The following SPTLC1 variants were observed in gnomAD, a reference collection of about 807,000 sequenced individuals.
SPTLC1 encodes the protein serine palmitoyltransferase 1.
Under a neutral mutation model 68.9 loss-of-function variants are expected in SPTLC1, and 55 were observed. That is an observed-to-expected ratio of 0.80 (90% CI 0.64 to 1.00). The LOEUF is 1.00. Among genes scored for constraint, SPTLC1 ranks in the 50% least tolerant of loss-of-function variants. The pLI, the probability that SPTLC1 is intolerant of heterozygous loss-of-function variation, is 0.00. For synonymous variants in SPTLC1, 197 were observed against 201.6 expected (o/e 0.98, Z 0.19); for missense variants, 449 against 573.1 (o/e 0.78, Z 2.21).
At chr9:92,078,295 C>A (rs1298358962) in intron 5 of SPTLC1, among the ~76,000 whole-genome samples, 1 of 152,162 alleles carries the variant, frequency 6.6e-6, no homozygotes, top group East Asian at 1.9e-4. Flanking sequence ...ATAAAATGTG[C>A]CTTTTCTAGT....
In SPTLC1 at chr9:92,112,554, A is replaced by C. The variant is rs775035672; in HGVS notation, c.66T>G (p.Ala22=). 1.2e-6 allele frequency: 2 copies of C among 1,603,124 alleles called. No homozygotes were observed. The highest frequency in any genetic ancestry group is 2.2e-5 in the South Asian group (2 of 90,990). ...EMVQALYEAP[A]YHLILEGILI... is the part of the protein sequence containing the mutation. ...GAATCCCTTCCAAAATAAGATGGTAAGCAGGAGCCTAAGAGTGAGTCAAAA... is the reference window on the plus strand; with the variant it reads ...GAATCCCTTCCAAAATAAGATGGTACGCAGGAGCCTAAGAGTGAGTCAAAA... The change falls in exon 2 of 15, where the codon GCT becomes GCG. Residue 22 remains alanine (A), a synonymous_variant. Coordinates refer to ENST00000262554, the MANE Select transcript of SPTLC1 (RefSeq NM_006415.4).
chr9:92,080,843 T>C, intron 4 of SPTLC1, 27 bp downstream of exon 4: 2 of 1,530,026 alleles, frequency 1.3e-6, no homozygotes, highest in East Asian at 4.5e-5. Context: ...ATGTTATCTG[T>C]CCACTTCAGC....
intron 2 of SPTLC1, chr9:92,111,641 A>G (rs1229475549): frequency 6.6e-6 from 1 of 152,164 alleles, no homozygotes; most frequent in Non-Finnish European, 1.5e-5. Context: ...AGGAATAGTT[A>G]TAACAAGCTC....
Position 92,080,981 on chromosome 9 carries a change from T to C in SPTLC1, c.261-18A>G, listed in dbSNP as rs755503027. The C allele has an allele frequency of 2.0e-5, 31 of 1,577,840 alleles. No individual in the cohort carries two copies. Among genetic ancestry groups the C allele is most frequent in the African/African-American group, 2.7e-5 (2 of 73,698 alleles). On this transcript the variant is annotated intron_variant, in intron 3 of 14. Transcript: ENST00000262554. ...TTGGAGGGCTAGGGAAGAGATAGAG[T>C]GGTACATGTCAATTACACATTCATG...
Position 92,075,359 on chromosome 9 carries a change from C to T in SPTLC1, c.427+4657G>A, listed in dbSNP as rs558543097. 7.9e-5 allele frequency among the ~76,000 whole-genome samples: 12 copies of T among 152,196 alleles called. No homozygotes were observed. In the South Asian group the frequency reaches 1.9e-3, roughly 24 times the overall value. On this transcript the variant is annotated intron_variant, in intron 5 of 14. Transcript: ENST00000262554. ...CCAGGTTTTGCCATCCTAACCAAAC[C>T]ACTCTATAAACTCACAAAAGGAAAC...
chr9:92,047,799 A>G, intron 9 of SPTLC1, 91 bp from the exon 10 acceptor site: 1 of 802,912 alleles, frequency 1.2e-6, no homozygotes, highest in Non-Finnish European at 2.1e-6. Flanking sequence ...ACAGCATTAA[A>G]CTGTCTGTTA....
chr9:92,060,915 A>G (rs1332012635), intron 6 of SPTLC1, among the ~76,000 whole-genome samples: 12 of 122,406 alleles, frequency 9.8e-5, no homozygotes, highest in Admixed American at 7.4e-4. Flanking sequence ...TCTGTCTCAA[A>G]AAAAAAAAAA....
chr9:92,047,185 C>T lies in SPTLC1; in HGVS notation c.1068G>A (p.Met356Ile), dbSNP rs2118447610. The T allele has an allele frequency of 6.2e-7, 1 of 1,613,832 alleles. No individual in the cohort carries two copies. The highest frequency in any genetic ancestry group is 1.7e-4 in the Middle Eastern group (1 of 6,058). The stretch of plus-strand genomic sequence containing the variant: ...AAAGGGTTATACCTGGATTCTCTTC[C>T]ATGATGTTGAGGGCCTCAATTGCTG... ...AAAAIEALNI[M>I]EENPGIFAVL... Residue 356 changes from methionine to isoleucine, a missense_variant, in exon 11 of 15, where the codon ATG becomes ATA. Transcript: ENST00000262554.
intron 7 of SPTLC1, among the ~76,000 whole-genome samples, chr9:92,057,536 ACTC>A (rs752374699): frequency 3.0e-4 from 46 of 152,204 alleles, no homozygotes; most frequent in Non-Finnish European, 6.0e-4. Flanking sequence ...AACAGGCAAA[ACTC>A]CTAGCCTAAT....
intron 1 of SPTLC1, among the ~76,000 whole-genome samples, chr9:92,114,102 C>T (rs1330904201): frequency 6.6e-6 from 1 of 151,418 alleles, no homozygotes. Context: ...AGCAAGCCCC[C>T]GTCTCTATTA....
intron 13 of SPTLC1, 125 bp downstream of exon 13, chr9:92,038,123 T>A (rs374901987): frequency 6.4e-6 from 5 of 782,178 alleles, no homozygotes; most frequent in Admixed American, 1.7e-5. Flanking sequence ...GTCACCAGCA[T>A]CTTCCTTTCT....
chr9:92,115,151 C>T (rs975419461), intron 1 of SPTLC1, 163 bp downstream of exon 1: 4 of 579,840 alleles, frequency 6.9e-6, no homozygotes, highest in Non-Finnish European at 9.6e-6. Flanking sequence ...CTACACTCAA[C>T]CGCTGGGACT....
At chr9:92,064,135 T>C (rs540983953) in intron 6 of SPTLC1, among the ~76,000 whole-genome samples, 25 of 152,302 alleles carry the variant, frequency 1.6e-4, no homozygotes, top group African/African-American at 5.8e-4. Context: ...GCTAATTAAG[T>C]GAGTTTGGCA....
intron 11 of SPTLC1, among the ~76,000 whole-genome samples, chr9:92,046,906 G>A (rs1833533721): frequency 6.6e-6 from 1 of 152,160 alleles, no homozygotes; most frequent in Admixed American, 6.5e-5. Flanking sequence ...CTGGCTGAGA[G>A]CCCCTCGTCC....
chr9:92,076,318 CCT>C (rs1834682245), intron 5 of SPTLC1, among the ~76,000 whole-genome samples: 1 of 152,198 alleles, frequency 6.6e-6, no homozygotes, highest in South Asian at 2.1e-4. Context: ...CACCAAAAAA[CCT>C]CTGATCCCAT....
chr9:92,104,033 G>A (rs1312655695), intron 3 of SPTLC1, among the ~76,000 whole-genome samples: 1 of 152,132 alleles, frequency 6.6e-6, no homozygotes, highest in African/African-American at 2.4e-5. Context: ...AGGCACCCTC[G>A]CTGGGCTCCT....
chr9:92,037,740 T>C (rs1833192659), intron 13 of SPTLC1, among the ~76,000 whole-genome samples: 1 of 152,158 alleles, frequency 6.6e-6, no homozygotes, highest in African/African-American at 2.4e-5. Context: ...TCTCCCCAAA[T>C]TAGGTATGTT....
intron 3 of SPTLC1, 125 bp downstream of exon 3, chr9:92,108,615 A>C: frequency 2.2e-6 from 3 of 1,345,662 alleles, no homozygotes. Context: ...TAAAGCTGTT[A>C]CTCCTGGGAA....
intron 2 of SPTLC1, chr9:92,110,325 T>C (rs139861631): frequency 5.9e-5 from 9 of 152,328 alleles, no homozygotes; most frequent in African/African-American, 2.2e-4. Context: ...CTCTTCTCCA[T>C]AAAATTCTTT....
Sources: gnomAD v4.1 joint callset for allele counts (sites outside exome capture counted in the v4.1 genomes callset) on GRCh38, gnomAD v4.1.1 for gene constraint, MANE v1.5 for transcripts, NCBI Gene and HGNC (gene_info 2026-07-23, HGNC 2026-07-21) for gene names.